ANKRD27: variants seen among roughly 807,000 people sequenced by gnomAD.
ANKRD27 encodes ankyrin repeat domain-containing protein 27.
A neutral mutation model predicts 129.7 loss-of-function variants in ANKRD27; 112 were observed. That is an observed-to-expected ratio of 0.86 (90% CI 0.74 to 1.01). The LOEUF (loss-of-function observed/expected upper bound fraction) is 1.01, where lower values mean the gene tolerates loss of function less well. ANKRD27 is among the 50% of genes least tolerant of loss of function. ANKRD27 has a pLI of 0.00. For missense variants in ANKRD27, 1,258 were observed against 1,300.5 expected (o/e 0.97, Z 0.50); for synonymous variants, 516 against 511.2 (o/e 1.01, Z -0.13).
chr19:32,610,102 G>A (rs1971811935), intron 22 of ANKRD27, among the ~76,000 whole-genome samples: 1 of 152,096 alleles, frequency 6.6e-6, no homozygotes, highest in African/African-American at 2.4e-5. Flanking sequence ...ATGAGGTCAA[G>A]AGATCGAGAC....
intron 10 of ANKRD27, 69 bp downstream of exon 10, chr19:32,641,955 C>A: frequency 6.7e-7 from 1 of 1,496,018 alleles, no homozygotes; most frequent in Non-Finnish European, 9.0e-7. Flanking sequence ...CTTAAGACAG[C>A]ATCACTCTTT....
rs549525341 is a variant in ANKRD27 at position 32,612,738 on chromosome 19, T to A, written c.2175+2920A>T. Among the ~76,000 whole-genome samples the A allele has an allele frequency of 2.4e-4, 37 of 152,276 alleles. No individual in the cohort carries two copies. The South Asian group carries it at 7.0e-3, about 29-fold the overall frequency. The stretch of plus-strand genomic sequence containing the variant: ...AAATGGTGCTGGCGCAAGTGGACAC[T>A]TGTAGGCAAGAAAAAACAAAGAAGA... On this transcript the variant is annotated intron_variant, in intron 22 of 28. Transcript: ENST00000306065.
chr19:32,640,575 C>T (rs990814852), intron 10 of ANKRD27, among the ~76,000 whole-genome samples, 190 bp from the exon 11 acceptor site: 67 of 152,320 alleles, frequency 4.4e-4, no homozygotes, highest in African/African-American at 1.6e-3. Flanking sequence ...GAAAAGAATG[C>T]CCAGCAATTT....
intron 24 of ANKRD27, 97 bp downstream of exon 24, chr19:32,605,738 G>C (rs1971722670): frequency 4.6e-6 from 7 of 1,514,166 alleles, no homozygotes; most frequent in African/African-American, 1.4e-5. Context: ...TGGGTGGCCG[G>C]GCCTCTCCAT....
At chr19:32,643,241 C>T in intron 8 of ANKRD27, 42 bp from the exon 9 acceptor site, 3 of 1,614,066 alleles carry the variant, frequency 1.9e-6, no homozygotes, top group African/African-American at 1.3e-5. Context: ...TCTCAAAAAG[C>T]ACAGAAGAAG....
intron 1 of ANKRD27, among the ~76,000 whole-genome samples, chr19:32,667,949 C>T (rs1180243868): frequency 6.6e-6 from 1 of 151,868 alleles, no homozygotes; most frequent in Non-Finnish European, 1.5e-5. Flanking sequence ...ATCCTTGATA[C>T]AATTAAATGA....
chr19:32,662,032 G>C (rs1967654450), intron 1 of ANKRD27, among the ~76,000 whole-genome samples: 1 of 152,134 alleles, frequency 6.6e-6, no homozygotes, highest in South Asian at 2.1e-4. Context: ...GATAGAGTAG[G>C]CCAGGCACGG....
chr19:32,652,949 A>T lies in ANKRD27; in HGVS notation c.103-3157T>A, dbSNP rs535862166. ...TTTCAAAAGAAAGAAAGAAGAAAAGAAAAGTCAAATAAAAGGCAAGAATCT... is the reference window on the plus strand; with the variant it reads ...TTTCAAAAGAAAGAAAGAAGAAAAGTAAAGTCAAATAAAAGGCAAGAATCT... On this transcript the variant is annotated intron_variant, in intron 2 of 28. Coordinates refer to ENST00000306065, the MANE Select transcript of ANKRD27 (RefSeq NM_032139.3). Among the ~76,000 whole-genome samples the T allele has an allele frequency of 2.1e-3, 319 of 152,246 alleles. 1 individual carries two copies. The highest frequency in any genetic ancestry group is 0.01 in the Middle Eastern group (3 of 294).
chr19:32,664,724 C>G (rs1875392265), intron 1 of ANKRD27, among the ~76,000 whole-genome samples: 1 of 150,486 alleles, frequency 6.6e-6, no homozygotes, highest in African/African-American at 2.4e-5. Flanking sequence ...TTTGGAAGGT[C>G]AAAGCAGGTG....
chr19:32,633,831 G>A (rs1197392973), intron 12 of ANKRD27, among the ~76,000 whole-genome samples: 2 of 151,470 alleles, frequency 1.3e-5, no homozygotes, highest in Non-Finnish European at 2.9e-5. Context: ...AGCTCAGCCT[G>A]GGCAAAATAG....
At chr19:32,630,823 G>T (rs259234) in intron 13 of ANKRD27, among the ~76,000 whole-genome samples, 11,631 of 151,994 alleles carry the variant, frequency 0.077, 487 homozygotes, top group Middle Eastern at 0.14. Flanking sequence ...GTAGAGACGG[G>T]TACTCATGAT....
chr19:32,620,580 C>A (rs374672265), intron 18 of ANKRD27, among the ~76,000 whole-genome samples: 1 of 116,778 alleles, frequency 8.6e-6, no homozygotes. Context: ...AAAAAAAAAA[C>A]CAAAACAATA....
chr19:32,606,125 G>T lies in ANKRD27; in HGVS notation c.2374-171C>A, dbSNP rs78966606. 8.1e-3 allele frequency among the ~76,000 whole-genome samples: 808 copies of T among 99,948 alleles called. 33 individuals carry two copies. In the East Asian group the frequency reaches 0.15, roughly 19 times the overall value. 65.6% of individuals were successfully genotyped at this position (99,948 alleles called of 152,430 possible). ...GACTTGTCTCTGAGCTTATTTTTTT[G>T]TTGTTGTTCTTTTTGGTTTTTCTTT... On this transcript the variant is annotated intron_variant, in intron 23 of 28. Coordinates refer to ENST00000306065, the MANE Select transcript of ANKRD27 (RefSeq NM_032139.3).
At chr19:32,639,616 C>T in intron 11 of ANKRD27, 128 bp from the exon 12 acceptor site, 2 of 930,570 alleles carry the variant, frequency 2.1e-6, no homozygotes, top group Non-Finnish European at 3.3e-6. Context: ...CTACGACCAC[C>T]ATCCCCTGGA....
intron 17 of ANKRD27, among the ~76,000 whole-genome samples, chr19:32,624,613 C>A (rs922397838): frequency 6.6e-6 from 1 of 152,008 alleles, no homozygotes; most frequent in East Asian, 1.9e-4. Flanking sequence ...TGAAACAGGA[C>A]GTGAAAATGG....
chr19:32,598,977 G>GTGAT (rs1441183198), intron 28 of ANKRD27, among the ~76,000 whole-genome samples: 2 of 152,168 alleles, frequency 1.3e-5, no homozygotes, highest in African/African-American at 4.8e-5. Context: ...AAGCTTCTGA[G>GTGAT]TGATTTAAAA....
At chr19:32,607,475 C>T (rs992045791) in intron 23 of ANKRD27, among the ~76,000 whole-genome samples, 160 bp downstream of exon 23, 10 of 152,096 alleles carry the variant, frequency 6.6e-5, no homozygotes, top group Admixed American at 2.6e-4. Flanking sequence ...CTCTGTGCTC[C>T]GAGGCTGAGT....
intron 22 of ANKRD27, 24 bp from the exon 23 acceptor site, chr19:32,607,856 C>T (rs750456995): frequency 6.3e-7 from 1 of 1,582,486 alleles, no homozygotes; most frequent in East Asian, 2.3e-5. Context: ...AAGATGGAAA[C>T]ACAAACGTCA....
intron 26 of ANKRD27, among the ~76,000 whole-genome samples, chr19:32,601,159 C>G (rs1223690364): frequency 1.3e-5 from 2 of 151,786 alleles, no homozygotes; most frequent in East Asian, 3.9e-4. Flanking sequence ...ATTAGCCAGG[C>G]ATGGTGGCAC....
Sources: gnomAD v4.1 joint callset for allele counts (sites outside exome capture counted in the v4.1 genomes callset) on GRCh38, gnomAD v4.1.1 for gene constraint, MANE v1.5 for transcripts, NCBI Gene and HGNC (gene_info 2026-07-23, HGNC 2026-07-21) for gene names.